FAM178B: variants seen among roughly 807,000 people sequenced by gnomAD.
FAM178B encodes family with sequence similarity 178 member B.
FAM178B carries 82 observed loss-of-function variants against 91.7 expected under a neutral mutation model. The observed-to-expected ratio is 0.89, with a 90% CI of 0.75 to 1.07. FAM178B has a LOEUF of 1.07. Among genes scored for constraint, FAM178B ranks in the 50% least tolerant of loss-of-function variants. The probability of loss-of-function intolerance (pLI) is 0.00; values close to 1 mark genes in which losing one functional copy is unlikely to be tolerated. For synonymous variants in FAM178B, 368 were observed against 359.4 expected (o/e 1.02, Z -0.27); for missense variants, 769 against 846.7 (o/e 0.91, Z 1.14).
chr2:96,911,472 G>A (rs1382825875), intron 12 of FAM178B, among the ~76,000 whole-genome samples: 1 of 152,236 alleles, frequency 6.6e-6, no homozygotes, highest in Admixed American at 6.5e-5. Flanking sequence ...AGGGAGCAGG[G>A]TGGCATGTGA....
chr2:96,975,081 T>A (rs1421705331), intron 1 of FAM178B, among the ~76,000 whole-genome samples: 5 of 109,854 alleles, frequency 4.6e-5, no homozygotes, highest in Non-Finnish European at 6.8e-5. Context: ...GGTGACAGAG[T>A]GAGACTCTGT....
At chr2:96,893,904 C>CGG (rs1274337459) in intron 14 of FAM178B, 22 bp downstream of exon 14, 16 of 1,605,522 alleles carry the variant, frequency 1.0e-5, no homozygotes, top group Non-Finnish European at 1.2e-5. Context: ...TGGAGGCAGG[C>CGG]GGGTGCTGGG....
rs535556900 is a variant in FAM178B at position 96,933,491 on chromosome 2, A to G, written c.1079-4171T>C. On this transcript the variant is annotated intron_variant, in intron 8 of 16. Coordinates refer to ENST00000490605, the MANE Select transcript of FAM178B (RefSeq NM_001122646.3). ...CTACCGTTCTCCTGGCACCTCTTAC[A>G]TGGAATTGGAAATCCATGCACATCC... is the stretch of plus-strand genomic sequence containing the variant. 4.5e-4 allele frequency among the ~76,000 whole-genome samples: 69 copies of G among 152,266 alleles called. 1 individual carries two copies. The highest frequency in any genetic ancestry group is 4.0e-3 in the Admixed American group (61 of 15,296).
intron 14 of FAM178B, among the ~76,000 whole-genome samples, chr2:96,886,621 G>C (rs1449233764): frequency 1.3e-5 from 2 of 152,214 alleles, no homozygotes; most frequent in African/African-American, 2.4e-5. Flanking sequence ...GGGCTTTCCA[G>C]GATTTGTGTT....
chr2:96,927,248 G>A (rs895194732), intron 9 of FAM178B, among the ~76,000 whole-genome samples: 3 of 152,296 alleles, frequency 2.0e-5, no homozygotes, highest in Middle Eastern at 3.4e-3. Flanking sequence ...CTCCTACCCC[G>A]AGGAAGACAT....
intron 13 of FAM178B, among the ~76,000 whole-genome samples, chr2:96,900,575 C>T (rs978037486): frequency 6.6e-6 from 1 of 151,986 alleles, no homozygotes. Context: ...CAGGGGGTGG[C>T]CACCAGGAGT....
At chr2:96,961,978 T>A (rs2082087081) in intron 5 of FAM178B, among the ~76,000 whole-genome samples, 2 of 152,216 alleles carry the variant, frequency 1.3e-5, no homozygotes, top group Admixed American at 1.3e-4. Context: ...TAGTTTTGTA[T>A]CTATTGCTTA....
chr2:96,923,007 C>G (rs997595683), intron 10 of FAM178B, among the ~76,000 whole-genome samples: 2 of 148,460 alleles, frequency 1.3e-5, no homozygotes, highest in East Asian at 4.0e-4. Flanking sequence ...CTCGCTCTGT[C>G]GCCCAGGCTG....
In FAM178B at chr2:96,971,919, C is replaced by G. The variant is rs986109321; in HGVS notation, c.546G>C (p.Gln182His). ...KLFWNTSGLS[Q>H]QAAAPEFSWG... ...GGCTCACCTCTGGGGCCGCAGCCTGCTGGCTCAGGCCTGACGTGTTCCAGA... is the reference window on the plus strand; with the variant it reads ...GGCTCACCTCTGGGGCCGCAGCCTGGTGGCTCAGGCCTGACGTGTTCCAGA... The change falls in exon 3 of 17, where the codon CAG (glutamine) becomes CAC (histidine). Residue 182 changes from glutamine (Q) to histidine (H), a missense_variant. Coordinates refer to ENST00000490605, the MANE Select transcript of FAM178B (RefSeq NM_001122646.3). The G allele has an allele frequency of 2.9e-5, 44 of 1,501,282 alleles. No homozygotes were observed. The highest frequency in any genetic ancestry group is 3.8e-5 in the Non-Finnish European group (43 of 1,124,922). 93.0% of individuals were successfully genotyped at this position (1,501,282 alleles called of 1,614,324 possible).
chr2:96,945,625 A>G (rs993707281), intron 8 of FAM178B, among the ~76,000 whole-genome samples: 1 of 152,222 alleles, frequency 6.6e-6, no homozygotes, highest in African/African-American at 2.4e-5. Flanking sequence ...TCTGTGCCCC[A>G]GAGGCCTGCT....
intron 14 of FAM178B, among the ~76,000 whole-genome samples, chr2:96,884,845 A>AAGCTGACTTGG (rs1394426814): frequency 2.6e-5 from 4 of 152,236 alleles, no homozygotes; most frequent in Non-Finnish European, 4.4e-5. Flanking sequence ...TCCCAAAGGC[A>AAGCTGACTTGG]AGCTGACTTG....
chr2:96,961,923 C>T (rs1165643359), intron 5 of FAM178B, among the ~76,000 whole-genome samples: 1 of 152,224 alleles, frequency 6.6e-6, no homozygotes, highest in Admixed American at 6.5e-5. Flanking sequence ...CAAACCACCA[C>T]ACAAACGGTA....
chr2:96,883,256 C>T (rs1262257338), intron 14 of FAM178B, among the ~76,000 whole-genome samples: 2 of 152,212 alleles, frequency 1.3e-5, no homozygotes, highest in South Asian at 2.1e-4. Context: ...CCATTAGCAG[C>T]GCTTTTGTCA....
intron 8 of FAM178B, among the ~76,000 whole-genome samples, chr2:96,929,910 C>G (rs567744346): frequency 6.6e-6 from 1 of 152,286 alleles, no homozygotes; most frequent in South Asian, 2.1e-4. Context: ...ACCAAACATT[C>G]ATGATAAAGT....
At chr2:96,942,462 G>C (rs1334756990) in intron 8 of FAM178B, among the ~76,000 whole-genome samples, 4 of 152,218 alleles carry the variant, frequency 2.6e-5, no homozygotes, top group African/African-American at 9.6e-5. Context: ...GTGCGATCTC[G>C]GCTCACTGCA....
Position 96,894,548 on chromosome 2 carries a change from C to A in FAM178B, c.1651-497G>T, listed in dbSNP as rs1355132543. ...CCCCCACACATACCCACTCATATCC[C>A]CAGACCCCCACACACCCCCACCCAC... On this transcript the variant is annotated intron_variant, in intron 13 of 16. Coordinates refer to ENST00000490605, the MANE Select transcript of FAM178B (RefSeq NM_001122646.3). Among the ~76,000 whole-genome samples the A allele has an allele frequency of 3.4e-5, 4 of 117,124 alleles. No homozygotes were observed. In the South Asian group the frequency reaches 1.3e-3, roughly 38 times the overall value. 76.8% of individuals were successfully genotyped at this position (117,124 alleles called of 152,430 possible). A position where few individuals can be genotyped will look rare whatever the true frequency, so the allele number is the denominator to read the frequency against.
chr2:96,881,461 G>C (rs1435445630), intron 14 of FAM178B, among the ~76,000 whole-genome samples: 3 of 151,890 alleles, frequency 2.0e-5, no homozygotes, highest in African/African-American at 7.3e-5. Flanking sequence ...GCGAAAGGGG[G>C]CCTGTCCCTC....
intron 6 of FAM178B, among the ~76,000 whole-genome samples, chr2:96,959,896 G>C (rs1008127964): frequency 1.3e-5 from 2 of 152,192 alleles, no homozygotes; most frequent in Non-Finnish European, 1.5e-5. Flanking sequence ...ACACTGAAGT[G>C]CCTCCAACAA....
intron 12 of FAM178B, among the ~76,000 whole-genome samples, chr2:96,915,686 C>G (rs574576652): frequency 1.3e-5 from 2 of 151,650 alleles, no homozygotes; most frequent in Non-Finnish European, 2.9e-5. Context: ...TGTGGTGGCA[C>G]GCACCTGTAG....
Sources: gnomAD v4.1 joint callset for allele counts (sites outside exome capture counted in the v4.1 genomes callset) on GRCh38, gnomAD v4.1.1 for gene constraint, MANE v1.5 for transcripts, NCBI Gene and HGNC (gene_info 2026-07-23, HGNC 2026-07-21) for gene names.